The following CC2D2B variants were observed in gnomAD, a reference collection of about 807,000 sequenced individuals.
CC2D2B encodes the protein coiled-coil and C2 domain containing 2B, also known as protein CC2D2B.
CC2D2B carries 128 observed loss-of-function variants against 161.2 expected under a neutral mutation model. The observed-to-expected ratio is 0.79, with a 90% CI of 0.69 to 0.92. The LOEUF (loss-of-function observed/expected upper bound fraction) is 0.92, where lower values mean the gene tolerates loss of function less well. Among genes scored for constraint, CC2D2B ranks in the 40% least tolerant of loss-of-function variants. The probability of loss-of-function intolerance (pLI) is 0.00; values close to 1 mark genes in which losing one functional copy is unlikely to be tolerated. For missense variants in CC2D2B, 1,173 were observed against 1,375.1 expected (o/e 0.85, Z 2.32); for synonymous variants, 391 against 449.8 (o/e 0.87, Z 1.65).
At chr10:96,022,539 C>G (rs1023470523) in intron 32 of CC2D2B, 2 of 152,168 alleles carry the variant, frequency 1.3e-5, no homozygotes, top group Non-Finnish European at 2.9e-5. Context: ...CTCTAGAGTC[C>G]ATACCTTGCT....
At chr10:95,979,411 C>T (rs533046098) in intron 17 of CC2D2B, among the ~76,000 whole-genome samples, 1 of 152,180 alleles carries the variant, frequency 6.6e-6, no homozygotes, top group East Asian at 1.9e-4. Context: ...TGTCCTTTTC[C>T]CTCTCTAGAC....
intron 2 of CC2D2B, among the ~76,000 whole-genome samples, chr10:95,921,764 G>T (rs1352476272): frequency 6.6e-6 from 1 of 151,452 alleles, no homozygotes; most frequent in East Asian, 1.9e-4. Context: ...ACATAGACAT[G>T]GGGCGGGGCA....
chr10:95,934,455 A>G (rs2075740600), intron 6 of CC2D2B, among the ~76,000 whole-genome samples: 1 of 150,634 alleles, frequency 6.6e-6, no homozygotes, highest in Non-Finnish European at 1.5e-5. Context: ...AAAAACAAAC[A>G]AACAAACAAA....
chr10:96,023,386 A>T (rs2079553999), intron 32 of CC2D2B, among the ~76,000 whole-genome samples: 1 of 152,372 alleles, frequency 6.6e-6, no homozygotes, highest in Non-Finnish European at 1.5e-5. Context: ...GAATGTGGGT[A>T]CTCAGAAGTG....
In CC2D2B at chr10:96,013,873, C is replaced by A. The variant is rs760684731; in HGVS notation, c.3512C>A (p.Ser1171Ter). The change falls in exon 29 of 35, where the codon TCA (serine) becomes TAA (stop). Residue 1171 changes from serine to a stop codon, truncating the protein, a stop_gained. Coordinates refer to ENST00000646931, the MANE Select transcript of CC2D2B (RefSeq NM_001349008.3). LOFTEE classifies it high-confidence loss of function. Reference protein sequence around the residue: ...ENDGSDIWMTSEHCISLAIGN... With the variant: ...ENDGSDIWMT Reference sequence around the variant, plus strand: ...GATGGCTCTGATATATGGATGACATCAGAGGTAATAAATTACATTTTATAT... The same window carrying A: ...GATGGCTCTGATATATGGATGACATAAGAGGTAATAAATTACATTTTATAT... 6.6e-7 allele frequency: 1 copy of A among 1,512,728 alleles called. No homozygotes were observed. The highest frequency in any genetic ancestry group is 9.0e-7 in the Non-Finnish European group (1 of 1,110,902). The allele number at this position is 1,512,728 out of a possible 1,614,324, so 93.7% of individuals were successfully genotyped here. A position where few individuals can be genotyped will look rare whatever the true frequency, so the allele number is the denominator to read the frequency against.
chr10:95,965,719 G>T (rs1036442788), intron 12 of CC2D2B, among the ~76,000 whole-genome samples, 177 bp from the exon 13 acceptor site: 67 of 151,320 alleles, frequency 4.4e-4, no homozygotes, highest in African/African-American at 1.6e-3. Flanking sequence ...AGCTTATAAA[G>T]TTTTTTAAAT....
At chr10:95,996,381 A>G in intron 24 of CC2D2B, 129 bp downstream of exon 24, 1 of 540,630 alleles carries the variant, frequency 1.8e-6, no homozygotes, top group South Asian at 2.5e-5. Flanking sequence ...GAAATATTTC[A>G]TGCACATAAA....
intron 25 of CC2D2B, among the ~76,000 whole-genome samples, chr10:96,009,576 GT>G (rs1470217889): frequency 6.6e-6 from 1 of 152,056 alleles, no homozygotes; most frequent in Non-Finnish European, 1.5e-5. Flanking sequence ...TTGTGCTAGT[GT>G]TGTCATACAT....
intron 29 of CC2D2B, 24 bp downstream of exon 29, chr10:96,013,901 A>T: frequency 1.8e-6 from 2 of 1,118,252 alleles, no homozygotes; most frequent in Non-Finnish European, 2.5e-6. Context: ...TTTTATATAT[A>T]TAATTGAAAT....
chr10:95,971,042 T>C (rs544464540), intron 15 of CC2D2B, among the ~76,000 whole-genome samples: 8 of 152,292 alleles, frequency 5.3e-5, no homozygotes, highest in Admixed American at 3.9e-4. Flanking sequence ...ATATCACTGT[T>C]TTCCCAAGCA....
At chr10:95,978,131 A>T (rs1419061728) in intron 17 of CC2D2B, among the ~76,000 whole-genome samples, 3 of 152,200 alleles carry the variant, frequency 2.0e-5, no homozygotes, top group African/African-American at 7.2e-5. Flanking sequence ...GCCATGAAAA[A>T]AATTTTGCTT....
intron 24 of CC2D2B, chr10:95,999,809 G>A: frequency 2.5e-6 from 1 of 401,504 alleles, no homozygotes; most frequent in Non-Finnish European, 4.9e-6. Flanking sequence ...GGTTCCAGCA[G>A]CTCAGGCTCC....
chr10:95,930,337 G>A (rs1239541102), intron 6 of CC2D2B, among the ~76,000 whole-genome samples: 2 of 152,198 alleles, frequency 1.3e-5, no homozygotes, highest in Non-Finnish European at 2.9e-5. Context: ...CATGTCATCT[G>A]CAAACAGAGA....
chr10:95,959,872 A>T (rs1430931390), intron 11 of CC2D2B, among the ~76,000 whole-genome samples: 2 of 152,220 alleles, frequency 1.3e-5, no homozygotes, highest in African/African-American at 4.8e-5. Context: ...TATGATTATT[A>T]GCCTATTAGG....
At chr10:95,928,399 T>G (rs1207635299) in intron 6 of CC2D2B, among the ~76,000 whole-genome samples, 6 of 152,148 alleles carry the variant, frequency 3.9e-5, no homozygotes, top group Admixed American at 6.5e-5. Flanking sequence ...GCCCTGTACA[T>G]GCACACACAC....
intron 3 of CC2D2B, among the ~76,000 whole-genome samples, chr10:95,923,567 A>T (rs1590354108): frequency 6.6e-6 from 1 of 152,148 alleles, no homozygotes; most frequent in African/African-American, 2.4e-5. Context: ...GTATTAGTAT[A>T]CTTCACAGAG....
At chr10:95,918,811 C>T (rs1485513425) in intron 2 of CC2D2B, 1 of 151,756 alleles carries the variant, frequency 6.6e-6, no homozygotes, top group Admixed American at 6.6e-5. Flanking sequence ...TATTCTTTTT[C>T]TTTTGTCTCC....
chr10:95,988,756 T>C (rs913456281), intron 20 of CC2D2B, among the ~76,000 whole-genome samples: 2 of 152,180 alleles, frequency 1.3e-5, no homozygotes, highest in Admixed American at 6.5e-5. Context: ...GAAAAATAGA[T>C]ACGCTTTGAA....
intron 24 of CC2D2B, among the ~76,000 whole-genome samples, chr10:95,997,071 G>C (rs1241509836): frequency 6.6e-6 from 1 of 152,132 alleles, no homozygotes; most frequent in Admixed American, 6.5e-5. Context: ...TTTGAACTTT[G>C]CAGCCTCCAT....
Sources: allele counts gnomAD v4.1 joint callset (sites outside exome capture counted in the v4.1 genomes callset), GRCh38; gene constraint gnomAD v4.1.1; transcripts MANE v1.5; gene names NCBI Gene and HGNC (gene_info 2026-07-23, HGNC 2026-07-21).